Variants in CHD7 observed in about 807,000 individuals in gnomAD.
CHD7 encodes ATP-dependent chromatin remodeler CHD7.
In CHD7, 24 loss-of-function variants were observed where a neutral mutation model predicts 307.3. The ratio of observed to expected loss-of-function variants is 0.08; its 90% CI spans 0.06 to 0.11. The LOEUF is 0.11. Ranked by LOEUF, CHD7 falls within the 10% of genes least tolerant of loss-of-function variation. The pLI is 1.00. For missense variants in CHD7, 3,106 were observed against 3,727.1 expected (o/e 0.83, Z 4.34); for synonymous variants, 1,363 against 1,349.9 (o/e 1.01, Z -0.21).
At chr8:60,833,488 G>A (rs1001416444) in intron 15 of CHD7, among the ~76,000 whole-genome samples, 1 of 152,198 alleles carries the variant, frequency 6.6e-6, no homozygotes, top group Non-Finnish European at 1.5e-5. Context: ...GTGATGGAGT[G>A]AATTTCAGAG....
intron 1 of CHD7, among the ~76,000 whole-genome samples, chr8:60,717,897 C>T (rs974601088): frequency 6.6e-6 from 1 of 152,146 alleles, no homozygotes; most frequent in Non-Finnish European, 1.5e-5. Context: ...AACTGTGTTA[C>T]TGGTTCTTGT....
chr8:60,839,148 C>T (rs1586422089), intron 19 of CHD7, among the ~76,000 whole-genome samples: 3 of 152,274 alleles, frequency 2.0e-5, no homozygotes, highest in Middle Eastern at 6.8e-3. Flanking sequence ...TACAGATTTG[C>T]CTTCTCTGGA....
chr8:60,780,648 G>T (rs1234442353), intron 2 of CHD7, among the ~76,000 whole-genome samples: 1 of 152,140 alleles, frequency 6.6e-6, no homozygotes, highest in African/African-American at 2.4e-5. Context: ...CAACTTAGAT[G>T]TATTCTTTGT....
At chr8:60,854,623 T>C in intron 32 of CHD7, 100 bp downstream of exon 32, 6 of 1,101,406 alleles carry the variant, frequency 5.4e-6, no homozygotes, top group Non-Finnish European at 7.7e-6. Context: ...AGGTAAACTT[T>C]TGACACAGTA....
chr8:60,779,453 C>T (rs1811100917), intron 2 of CHD7, among the ~76,000 whole-genome samples: 1 of 152,148 alleles, frequency 6.6e-6, no homozygotes, highest in Non-Finnish European at 1.5e-5. Context: ...ACTGTGTGAC[C>T]TGGGGTGGCC....
In CHD7 at chr8:60,714,369, G is replaced by T. The variant is rs916647397; in HGVS notation, c.-174-26890G>T. 3.7e-5 allele frequency among the ~76,000 whole-genome samples: 5 copies of T among 134,060 alleles called. No homozygotes were observed. The South Asian group carries it at 7.4e-4, about 20-fold the overall frequency. 87.9% of individuals were successfully genotyped at this position (134,060 alleles called of 152,430 possible). ...GGCCACTTCCTGACCGGAAGGCCGA[G>T]CCCCACCTGGCCTGACAACATGGCG... On this transcript the variant is annotated intron_variant, in intron 1 of 37. Coordinates refer to ENST00000423902, the MANE Select transcript of CHD7 (RefSeq NM_017780.4).
chr8:60,692,753 A>C (rs1434752344), intron 1 of CHD7, among the ~76,000 whole-genome samples: 2 of 152,152 alleles, frequency 1.3e-5, no homozygotes, highest in African/African-American at 4.8e-5. Context: ...AGGCGTCATT[A>C]GGGTCCTGAG....
chr8:60,846,232 C>A (rs1355103123), intron 23 of CHD7, among the ~76,000 whole-genome samples: 1 of 152,212 alleles, frequency 6.6e-6, no homozygotes, highest in African/African-American at 2.4e-5. Flanking sequence ...ATCCCACTTT[C>A]AACTAACTGC....
intron 1 of CHD7, among the ~76,000 whole-genome samples, chr8:60,726,573 G>T (rs1420369101): frequency 1.3e-5 from 2 of 152,190 alleles, no homozygotes; most frequent in Non-Finnish European, 2.9e-5. Flanking sequence ...AAAGTACTGC[G>T]TTAAGTGCAT....
chr8:60,790,323 T>C (rs947905143), intron 3 of CHD7, among the ~76,000 whole-genome samples: 1 of 152,188 alleles, frequency 6.6e-6, no homozygotes, highest in Non-Finnish European at 1.5e-5. Context: ...TCTCTCTAGC[T>C]TCTCTAGCCT....
chr8:60,689,037 A>G (rs1806061499), intron 1 of CHD7, among the ~76,000 whole-genome samples: 1 of 152,174 alleles, frequency 6.6e-6, no homozygotes, highest in South Asian at 2.1e-4. Context: ...TAGGAGAGGG[A>G]AGGCTCTGGG....
At chr8:60,773,334 C>G (rs912740718) in intron 2 of CHD7, among the ~76,000 whole-genome samples, 1 of 152,180 alleles carries the variant, frequency 6.6e-6, no homozygotes, top group Non-Finnish European at 1.5e-5. Flanking sequence ...GATGTAAGAT[C>G]AGGAACACAG....
At chr8:60,799,868 T>TC (rs1812210869) in intron 4 of CHD7, among the ~76,000 whole-genome samples, 1 of 152,158 alleles carries the variant, frequency 6.6e-6, no homozygotes, top group South Asian at 2.1e-4. Flanking sequence ...GTGGCAGGGC[T>TC]ACAGCTGTCC....
chr8:60,708,744 T>C (rs879274571), intron 1 of CHD7, among the ~76,000 whole-genome samples: 5 of 152,232 alleles, frequency 3.3e-5, no homozygotes, highest in Non-Finnish European at 7.3e-5. Flanking sequence ...CTGTCGAAAT[T>C]CTGCTTGTTT....
At chr8:60,805,378 C>G (rs910539877) in intron 6 of CHD7, among the ~76,000 whole-genome samples, 17 of 152,050 alleles carry the variant, frequency 1.1e-4, no homozygotes, top group African/African-American at 3.9e-4. Flanking sequence ...TAAACAGAAC[C>G]AAGTGTTGTA....
chr8:60,810,380 A>ACTGTGT (rs1554594842), intron 7 of CHD7, among the ~76,000 whole-genome samples: 2 of 145,980 alleles, frequency 1.4e-5, no homozygotes, highest in Non-Finnish European at 3.0e-5. Flanking sequence ...AGAGAGAGAG[A>ACTGTGT]GTGTGTGTGT....
At chr8:60,744,355 T>C (rs958692165) in intron 2 of CHD7, among the ~76,000 whole-genome samples, 1 of 152,064 alleles carries the variant, frequency 6.6e-6, no homozygotes, top group Non-Finnish European at 1.5e-5. Context: ...GAACCTGTTT[T>C]CTAGGCCTTT....
At chr8:60,748,459 G>A (rs572169952) in intron 2 of CHD7, among the ~76,000 whole-genome samples, 69 of 152,260 alleles carry the variant, frequency 4.5e-4, no homozygotes, top group African/African-American at 1.6e-3. Flanking sequence ...TTTCAGCATG[G>A]ACACAGCACC....
intron 1 of CHD7, among the ~76,000 whole-genome samples, chr8:60,724,399 C>T (rs573638151): frequency 4.6e-5 from 7 of 152,306 alleles, no homozygotes; most frequent in African/African-American, 1.7e-4. Flanking sequence ...AAGGTTGGTG[C>T]AGGATAGCAG....
Sources: allele counts gnomAD v4.1 joint callset (sites outside exome capture counted in the v4.1 genomes callset), GRCh38; gene constraint gnomAD v4.1.1; transcripts MANE v1.5; gene names NCBI Gene and HGNC (gene_info 2026-07-23, HGNC 2026-07-21).